The following EBF2 variants were observed in gnomAD, a reference collection of about 807,000 sequenced individuals.
EBF2 encodes EBF transcription factor 2.
A neutral mutation model predicts 72.8 loss-of-function variants in EBF2; 21 were observed. The observed-to-expected ratio is 0.29, with a 90% CI of 0.20 to 0.42. EBF2 has a LOEUF of 0.42. Among genes scored for constraint, EBF2 ranks in the 10% least tolerant of loss-of-function variants. The probability of loss-of-function intolerance (pLI) is 1.00; values close to 1 mark genes in which losing one functional copy is unlikely to be tolerated. For synonymous variants in EBF2, 299 were observed against 274.2 expected (o/e 1.09, Z -0.89); for missense variants, 637 against 731.2 (o/e 0.87, Z 1.49).
intron 6 of EBF2, among the ~76,000 whole-genome samples, chr8:26,025,565 T>A (rs973431822): frequency 3.3e-5 from 5 of 152,004 alleles, no homozygotes; most frequent in African/African-American, 1.2e-4. Flanking sequence ...ATTACATGAG[T>A]GAACTTTCCA....
chr8:25,935,896 C>G (rs984303630), intron 6 of EBF2, among the ~76,000 whole-genome samples: 1 of 152,118 alleles, frequency 6.6e-6, no homozygotes, highest in Non-Finnish European at 1.5e-5. Flanking sequence ...GCAAGGCTTG[C>G]GTGGCTTTCC....
At chr8:25,872,692 A>G (rs1802460977) in intron 10 of EBF2, among the ~76,000 whole-genome samples, 1 of 152,000 alleles carries the variant, frequency 6.6e-6, no homozygotes, top group Non-Finnish European at 1.5e-5. Context: ...CAACAACAAC[A>G]ACAACAACAA....
chr8:26,025,334 C>T (rs772640818), intron 6 of EBF2, among the ~76,000 whole-genome samples: 16 of 152,044 alleles, frequency 1.1e-4, no homozygotes, highest in East Asian at 1.9e-4. Flanking sequence ...TCCATGAGAG[C>T]GGGAACCATG....
At chr8:25,925,197 T>C (rs1803366967) in intron 6 of EBF2, among the ~76,000 whole-genome samples, 1 of 152,206 alleles carries the variant, frequency 6.6e-6, no homozygotes, top group Non-Finnish European at 1.5e-5. Flanking sequence ...TCTCCTTTTT[T>C]TGGAAATTCT....
At chr8:25,908,792 A>T (rs1190001463) in intron 6 of EBF2, among the ~76,000 whole-genome samples, 1 of 152,192 alleles carries the variant, frequency 6.6e-6, no homozygotes, top group African/African-American at 2.4e-5. Flanking sequence ...AGTGGTTCAC[A>T]AGGTGGGCTT....
At chr8:25,868,284 G>T (rs1438676101) in intron 10 of EBF2, among the ~76,000 whole-genome samples, 1 of 152,082 alleles carries the variant, frequency 6.6e-6, no homozygotes, top group Non-Finnish European at 1.5e-5. Context: ...GGAATTTATT[G>T]CATTTTTGTG....
chr8:25,870,401 C>T (rs1284437447), intron 10 of EBF2, among the ~76,000 whole-genome samples: 2 of 152,116 alleles, frequency 1.3e-5, no homozygotes, highest in African/African-American at 4.8e-5. Flanking sequence ...CCCTCCCCGA[C>T]TCCATTTCTG....
At chr8:25,885,476 A>G (rs1038456428) in intron 10 of EBF2, among the ~76,000 whole-genome samples, 1 of 152,204 alleles carries the variant, frequency 6.6e-6, no homozygotes, top group Non-Finnish European at 1.5e-5. Context: ...TATGTACTAC[A>G]TAAGGTTTTT....
chr8:25,890,186 G>A (rs1802755320), intron 7 of EBF2, among the ~76,000 whole-genome samples: 1 of 152,216 alleles, frequency 6.6e-6, no homozygotes, highest in African/African-American at 2.4e-5. Flanking sequence ...GCCACCGCCA[G>A]TGGAGCCTCC....
chr8:25,898,624 G>A (rs1802895711), intron 7 of EBF2, among the ~76,000 whole-genome samples: 1 of 152,102 alleles, frequency 6.6e-6, no homozygotes, highest in South Asian at 2.1e-4. Flanking sequence ...GTGCCAAGTG[G>A]GATGGTTACG....
At chr8:26,039,166 G>C (rs1050402842) in intron 5 of EBF2, among the ~76,000 whole-genome samples, 1 of 151,934 alleles carries the variant, frequency 6.6e-6, no homozygotes, top group Non-Finnish European at 1.5e-5. Flanking sequence ...CACACGTTAG[G>C]CACTCAATAA....
chr8:25,990,656 T>C (rs1251395381), intron 6 of EBF2, among the ~76,000 whole-genome samples: 1 of 152,216 alleles, frequency 6.6e-6, no homozygotes, highest in Non-Finnish European at 1.5e-5. Flanking sequence ...CCATGTCTTC[T>C]TAGATACAAC....
In EBF2 at chr8:26,044,698, C is replaced by T. The variant is rs763982863; in HGVS notation, c.131+31G>A. 6.2e-6 allele frequency: 10 copies of T among 1,610,734 alleles called. No individual in the cohort carries two copies. The highest frequency in any genetic ancestry group is 8.5e-6 in the Non-Finnish European group (10 of 1,177,770). Reference sequence around the variant, plus strand: ...AGAGACAGACCGTAAGAGCGAGAGACAGCATAATAATTGCGCGGCCGTGTC... The same window carrying T: ...AGAGACAGACCGTAAGAGCGAGAGATAGCATAATAATTGCGCGGCCGTGTC... On this transcript the variant is annotated intron_variant, in intron 1 of 15. Transcript: ENST00000520164. The surrounding 1 kb of genome is among the most constrained non-coding windows in gnomAD (Gnocchi z 4.1).
chr8:25,937,445 A>T (rs1803597968), intron 6 of EBF2, among the ~76,000 whole-genome samples: 1 of 152,210 alleles, frequency 6.6e-6, no homozygotes, highest in African/African-American at 2.4e-5. Context: ...TAATTTAATG[A>T]ATGACTCATT....
intron 10 of EBF2, among the ~76,000 whole-genome samples, chr8:25,881,684 T>C (rs1282903950): frequency 6.6e-6 from 1 of 152,224 alleles, no homozygotes; most frequent in East Asian, 1.9e-4. Flanking sequence ...CAGGCATTTT[T>C]GTTTACCTGC....
intron 7 of EBF2, among the ~76,000 whole-genome samples, chr8:25,896,715 G>A (rs1449140632): frequency 5.3e-5 from 8 of 152,206 alleles, no homozygotes; most frequent in Non-Finnish European, 8.8e-5. Flanking sequence ...GAGCGACCAA[G>A]CTGCAGTTCC....
chr8:25,897,336 C>A (rs1802877242), intron 7 of EBF2, among the ~76,000 whole-genome samples: 1 of 151,836 alleles, frequency 6.6e-6, no homozygotes, highest in Non-Finnish European at 1.5e-5. Context: ...TTTCTTTTAA[C>A]TATTTTACTT....
chr8:25,901,963 G>T (rs914837010), intron 7 of EBF2, among the ~76,000 whole-genome samples: 2 of 152,188 alleles, frequency 1.3e-5, no homozygotes, highest in African/African-American at 4.8e-5. Flanking sequence ...GCTCTCTGCT[G>T]TATCTCCAGC....
intron 6 of EBF2, among the ~76,000 whole-genome samples, chr8:25,926,364 C>T (rs936872219): frequency 2.6e-5 from 4 of 152,148 alleles, no homozygotes; most frequent in Non-Finnish European, 4.4e-5. Context: ...TGTGTCTCCT[C>T]TCACCCCCAC....
Sources: gnomAD v4.1 joint callset for allele counts (sites outside exome capture counted in the v4.1 genomes callset) on GRCh38, gnomAD v4.1.1 for gene constraint, Gnocchi (gnomAD v3.1) non-coding constraint, MANE v1.5 for transcripts, NCBI Gene and HGNC (gene_info 2026-07-23, HGNC 2026-07-21) for gene names.